The following LRP1B variants were observed in gnomAD, a reference collection of about 807,000 sequenced individuals.
The protein encoded by LRP1B is low-density lipoprotein receptor-related protein 1B.
LRP1B carries 217 observed loss-of-function variants against 556.6 expected under a neutral mutation model. The observed-to-expected ratio is 0.39, with a 90% CI of 0.35 to 0.44. The LOEUF (loss-of-function observed/expected upper bound fraction) is 0.44. Ranked by LOEUF, LRP1B falls within the 20% of genes least tolerant of loss-of-function variation. The pLI is 1.00. For missense variants in LRP1B, 5,053 were observed against 5,620.8 expected (o/e 0.90, Z 3.23); for synonymous variants, 2,047 against 1,865.8 (o/e 1.10, Z -2.50).
chr2:141,334,086 T>C (rs552548667), intron 3 of LRP1B, among the ~76,000 whole-genome samples: 4 of 152,336 alleles, frequency 2.6e-5, no homozygotes, highest in Admixed American at 2.6e-4. Flanking sequence ...AAAAACAATA[T>C]ATTTCTGTCT....
chr2:140,519,715 G>A (rs892650935), intron 49 of LRP1B, among the ~76,000 whole-genome samples: 14 of 152,150 alleles, frequency 9.2e-5, no homozygotes, highest in African/African-American at 3.1e-4. Context: ...CTACCCATCT[G>A]ACAAAGGGCT....
At chr2:142,101,055 C>T (rs917382139) in intron 1 of LRP1B, among the ~76,000 whole-genome samples, 1 of 151,878 alleles carries the variant, frequency 6.6e-6, no homozygotes, top group African/African-American at 2.4e-5. Flanking sequence ...TTGAGCTCTC[C>T]CCACTTGCTG....
intron 3 of LRP1B, among the ~76,000 whole-genome samples, chr2:141,326,422 G>A (rs948823368): frequency 2.0e-5 from 3 of 152,094 alleles, no homozygotes; most frequent in African/African-American, 7.2e-5. Context: ...GCAGAACTGT[G>A]GAAAAGCATG....
chr2:141,467,529 C>T (rs906947254), intron 3 of LRP1B, among the ~76,000 whole-genome samples: 1 of 152,024 alleles, frequency 6.6e-6, no homozygotes, highest in Non-Finnish European at 1.5e-5. Context: ...GGCAATCTGT[C>T]TAGGTGAGTT....
chr2:141,939,006 T>C (rs746923219), intron 1 of LRP1B, among the ~76,000 whole-genome samples: 8 of 151,852 alleles, frequency 5.3e-5, no homozygotes, highest in Non-Finnish European at 8.8e-5. Flanking sequence ...GGGAGAGTTA[T>C]GGGGAGATGT....
At chr2:140,787,817 T>C (rs555748607) in intron 32 of LRP1B, among the ~76,000 whole-genome samples, 2 of 152,066 alleles carry the variant, frequency 1.3e-5, no homozygotes, top group Non-Finnish European at 2.9e-5. Flanking sequence ...TCAAGTGATC[T>C]TCCTGCCTTG....
chr2:141,728,986 A>T (rs1464722120), intron 2 of LRP1B, among the ~76,000 whole-genome samples: 2 of 152,126 alleles, frequency 1.3e-5, no homozygotes, highest in African/African-American at 4.8e-5. Flanking sequence ...GTGGCCAGAC[A>T]CTAGATCAGT....
At chr2:141,096,189 T>C (rs995941628) in intron 7 of LRP1B, among the ~76,000 whole-genome samples, 1 of 152,176 alleles carries the variant, frequency 6.6e-6, no homozygotes, top group Non-Finnish European at 1.5e-5. Flanking sequence ...ATAAAGGTTA[T>C]TAAACTTTGT....
At chr2:141,595,459 G>A (rs1233412819) in intron 2 of LRP1B, among the ~76,000 whole-genome samples, 1 of 152,046 alleles carries the variant, frequency 6.6e-6, no homozygotes, top group African/African-American at 2.4e-5. Context: ...TAAACAGTGA[G>A]ACAACACCTC....
rs115769768 is a variant in LRP1B at position 141,890,806 on chromosome 2, G to A, written c.83-80405C>T. On this transcript the variant is annotated intron_variant, in intron 1 of 90. Transcript: ENST00000389484. ...TTAATGGATATTTATGAAACTTATG[G>A]GAATCCGTTCAAAAAATACCACACC... Among the ~76,000 whole-genome samples the A allele has an allele frequency of 6.1e-3, 923 of 151,966 alleles. 8 individuals are homozygous for A. Among genetic ancestry groups the A allele is most frequent in the African/African-American group, 0.021 (869 of 41,432 alleles).
intron 66 of LRP1B, among the ~76,000 whole-genome samples, chr2:140,428,092 T>G (rs941367520): frequency 6.6e-6 from 1 of 152,190 alleles, no homozygotes; most frequent in Non-Finnish European, 1.5e-5. Context: ...AACCCTGAGA[T>G]GCTTTACAGC....
intron 3 of LRP1B, among the ~76,000 whole-genome samples, chr2:141,470,944 C>T (rs149083610): frequency 8.5e-5 from 13 of 152,216 alleles, no homozygotes; most frequent in Non-Finnish European, 1.6e-4. Context: ...AACATACCTT[C>T]CAAATTTCTA....
At chr2:141,795,252 C>T (rs1695763572) in intron 2 of LRP1B, among the ~76,000 whole-genome samples, 2 of 152,122 alleles carry the variant, frequency 1.3e-5, no homozygotes, top group Middle Eastern at 3.4e-3. Flanking sequence ...AAGGTGAGTA[C>T]CATTTATACT....
chr2:140,974,712 A>G (rs996529977), intron 18 of LRP1B, among the ~76,000 whole-genome samples: 3 of 152,216 alleles, frequency 2.0e-5, no homozygotes, highest in Non-Finnish European at 4.4e-5. Context: ...TGGCCCACTT[A>G]GATCCAATAC....
intron 84 of LRP1B, among the ~76,000 whole-genome samples, chr2:140,275,169 A>T (rs1682618122): frequency 6.6e-6 from 1 of 152,042 alleles, no homozygotes; most frequent in South Asian, 2.1e-4. Flanking sequence ...TCAATGATCC[A>T]GGCACAAATG....
At chr2:140,748,809 A>G (rs1342160665) in intron 35 of LRP1B, among the ~76,000 whole-genome samples, 1 of 106,822 alleles carries the variant, frequency 9.4e-6, no homozygotes, top group Admixed American at 1.0e-4. Context: ...CATATTATAT[A>G]CATGTATATA....
intron 1 of LRP1B, among the ~76,000 whole-genome samples, chr2:142,072,445 C>T (rs777413289): frequency 3.9e-5 from 6 of 151,920 alleles, no homozygotes; most frequent in Non-Finnish European, 8.8e-5. Context: ...ATTGCCAAAC[C>T]AGACACCAAA....
chr2:141,765,386 GT>G (rs909482534), intron 2 of LRP1B, among the ~76,000 whole-genome samples: 3 of 150,976 alleles, frequency 2.0e-5, no homozygotes, highest in Admixed American at 1.3e-4. Flanking sequence ...AGCTAGCTTA[GT>G]TTTTTTTTCA....
chr2:142,005,803 C>T (rs1431764270), intron 1 of LRP1B, among the ~76,000 whole-genome samples: 2 of 150,914 alleles, frequency 1.3e-5, no homozygotes, highest in Non-Finnish European at 3.0e-5. Context: ...AAGGTATATC[C>T]CAAATTCAAA....
Sources: gnomAD v4.1 joint callset for allele counts (sites outside exome capture counted in the v4.1 genomes callset) on GRCh38, gnomAD v4.1.1 for gene constraint, MANE v1.5 for transcripts, NCBI Gene and HGNC (gene_info 2026-07-23, HGNC 2026-07-21) for gene names.